Variants in CAPN13 observed in about 807,000 individuals in gnomAD.
The protein encoded by CAPN13 is calpain-13.
CAPN13 carries 90 observed loss-of-function variants against 98.4 expected under a neutral mutation model. The observed-to-expected ratio is 0.92, with a 90% CI of 0.77 to 1.09. The LOEUF is 1.09. CAPN13 is among the 50% of genes least tolerant of loss of function. The probability of loss-of-function intolerance (pLI) is 0.00; values close to 1 mark genes in which losing one functional copy is unlikely to be tolerated. For synonymous variants in CAPN13, 330 were observed against 305.5 expected (o/e 1.08, Z -0.84); for missense variants, 887 against 841.3 (o/e 1.05, Z -0.67).
chr2:30,771,144 G>C (rs1212634030), intron 4 of CAPN13, among the ~76,000 whole-genome samples: 1 of 152,236 alleles, frequency 6.6e-6, no homozygotes, highest in East Asian at 1.9e-4. Context: ...CAGACTGTTT[G>C]AATCTTTAGC....
intron 3 of CAPN13, among the ~76,000 whole-genome samples, chr2:30,776,619 C>T (rs1347331330): frequency 6.6e-6 from 1 of 152,192 alleles, no homozygotes; most frequent in Admixed American, 6.5e-5. Flanking sequence ...GTTAGCTCAG[C>T]CCGTCCCTGT....
intron 4 of CAPN13, among the ~76,000 whole-genome samples, chr2:30,772,543 G>A (rs994342362): frequency 2.0e-5 from 3 of 152,186 alleles, no homozygotes; most frequent in Non-Finnish European, 4.4e-5. Context: ...GACAAGCCCA[G>A]ACACAGCTCA....
intron 1 of CAPN13, among the ~76,000 whole-genome samples, chr2:30,793,464 T>C (rs1450302169): frequency 1.3e-5 from 2 of 151,768 alleles, no homozygotes; most frequent in East Asian, 3.9e-4. Context: ...TGGAGAGATA[T>C]ATCCGGTTCA....
At chr2:30,747,474 G>T (rs1671970727) in intron 11 of CAPN13, among the ~76,000 whole-genome samples, 1 of 152,242 alleles carries the variant, frequency 6.6e-6, no homozygotes, top group Non-Finnish European at 1.5e-5. Flanking sequence ...TGGGAGGAAG[G>T]TGGAAAGTCC....
At chr2:30,752,745 C>A (rs1672239501) in intron 10 of CAPN13, among the ~76,000 whole-genome samples, 1 of 152,226 alleles carries the variant, frequency 6.6e-6, no homozygotes, top group Non-Finnish European at 1.5e-5. Flanking sequence ...CTCCCTTGTC[C>A]TGGACATTTA....
chr2:30,801,606 A>C (rs1285136779), intron 1 of CAPN13, among the ~76,000 whole-genome samples: 17 of 127,862 alleles, frequency 1.3e-4, no homozygotes, highest in African/African-American at 6.1e-4. Flanking sequence ...CTCAGTCTTA[A>C]AAAAAAAAAA....
chr2:30,801,045 ACTT>A lies in CAPN13; in HGVS notation c.-33+6254_-33+6256del, dbSNP rs1174155652. On this transcript the variant is annotated intron_variant, in intron 1 of 22. Coordinates refer to ENST00000295055, the MANE Select transcript of CAPN13 (RefSeq NM_144575.3). ...TCTGAAACAAATACAAATTTAGTAG[ACTT>A]AGGAAGTTGGGGCCTGCCATGTACC... Among the ~76,000 whole-genome samples the A allele has an allele frequency of 8.5e-5, 13 of 152,244 alleles. No individual in the cohort carries two copies. In the East Asian group the frequency reaches 2.5e-3, roughly 29 times the overall value.
intron 7 of CAPN13, among the ~76,000 whole-genome samples, chr2:30,759,464 G>A (rs1672712306): frequency 6.6e-6 from 1 of 152,246 alleles, no homozygotes. Flanking sequence ...AGCTGTAGCT[G>A]TGATATCAAT....
intron 5 of CAPN13, among the ~76,000 whole-genome samples, chr2:30,767,057 G>A (rs1260001299): frequency 6.6e-6 from 1 of 152,186 alleles, no homozygotes; most frequent in African/African-American, 2.4e-5. Context: ...TTTTCCTGTA[G>A]GACTGACAGC....
chr2:30,770,327 CT>C lies in CAPN13; in HGVS notation c.509del (p.Glu170GlyfsTer30), dbSNP rs749968426. On this transcript the variant is annotated frameshift_variant, in exon 5 of 23. Transcript: ENST00000295055. LOFTEE classifies it high-confidence loss of function. ...QNQEFWPCLL[E>X]KAYAKLLGSY... is the part of the protein sequence containing the mutation. Reference sequence around the variant, plus strand: ...GTTGTACTTACTTGGCATAGGCCTTCTCCAGCAGGCAGGGCCAGAACTCTTG... The same window carrying C: ...GTTGTACTTACTTGGCATAGGCCTTCCCAGCAGGCAGGGCCAGAACTCTTG... 1.7e-5 allele frequency: 27 copies of C among 1,613,826 alleles called. No individual in the cohort carries two copies. The highest frequency in any genetic ancestry group is 2.3e-5 in the Non-Finnish European group (27 of 1,179,836).
chr2:30,804,078 A>C (rs1384274255), intron 1 of CAPN13, among the ~76,000 whole-genome samples: 1 of 152,242 alleles, frequency 6.6e-6, no homozygotes, highest in Non-Finnish European at 1.5e-5. Context: ...GAGTGCCCTG[A>C]GAATTCAGGA....
At chr2:30,773,722 TA>T (rs936926099) in intron 4 of CAPN13, among the ~76,000 whole-genome samples, 1 of 152,174 alleles carries the variant, frequency 6.6e-6, no homozygotes, top group Non-Finnish European at 1.5e-5. Flanking sequence ...CCTGAAAGCA[TA>T]AGAAGAATTC....
At chr2:30,766,104 G>C (rs552748881) in intron 5 of CAPN13, among the ~76,000 whole-genome samples, 1 of 152,306 alleles carries the variant, frequency 6.6e-6, no homozygotes, top group African/African-American at 2.4e-5. Context: ...TGGGGTTTGG[G>C]AACCCATTCC....
At chr2:30,732,372 T>C in intron 20 of CAPN13, 66 bp downstream of exon 20, 1 of 1,597,788 alleles carries the variant, frequency 6.3e-7, no homozygotes, top group Non-Finnish European at 8.5e-7. Flanking sequence ...GTAGGGGGTG[T>C]CCGGTCCTCT....
intron 11 of CAPN13, among the ~76,000 whole-genome samples, chr2:30,748,560 G>T (rs1672026789): frequency 6.6e-6 from 1 of 152,072 alleles, no homozygotes; most frequent in Admixed American, 6.5e-5. Context: ...TGTGTGAGGG[G>T]TGAGGGGGAG....
chr2:30,757,779 C>G (rs1314082950), intron 8 of CAPN13, among the ~76,000 whole-genome samples: 1 of 152,184 alleles, frequency 6.6e-6, no homozygotes, highest in Non-Finnish European at 1.5e-5. Flanking sequence ...GGAGGGTGGG[C>G]ACTGGGTCTT....
At chr2:30,751,712 T>C (rs1161813158) in intron 10 of CAPN13, among the ~76,000 whole-genome samples, 3 of 152,164 alleles carry the variant, frequency 2.0e-5, no homozygotes, top group Admixed American at 6.6e-5. Flanking sequence ...CGAGCTAATG[T>C]GAAAACCATT....
At chr2:30,743,237 G>T in intron 13 of CAPN13, 146 bp downstream of exon 13, 1 of 742,028 alleles carries the variant, frequency 1.3e-6, no homozygotes, top group Non-Finnish European at 2.3e-6. Flanking sequence ...CCTTTATGGT[G>T]AGCTGCTCTA....
intron 15 of CAPN13, chr2:30,741,669 T>C (rs1671664237): frequency 7.3e-7 from 1 of 1,371,178 alleles, no homozygotes; most frequent in Non-Finnish European, 9.4e-7. Flanking sequence ...ATCCCCTCCC[T>C]TTCTAAGCTC....
Sources: gnomAD v4.1 joint callset for allele counts (sites outside exome capture counted in the v4.1 genomes callset) on GRCh38, gnomAD v4.1.1 for gene constraint, MANE v1.5 for transcripts, NCBI Gene and HGNC (gene_info 2026-07-23, HGNC 2026-07-21) for gene names.